Variants in CD226 observed in about 807,000 individuals in gnomAD.
CD226 encodes the protein CD226 molecule.
CD226 carries 24 observed loss-of-function variants against 34.9 expected under a neutral mutation model. That is an observed-to-expected ratio of 0.69 (90% CI 0.50 to 0.97). The LOEUF is 0.97. CD226 is among the 50% of genes least tolerant of loss of function. The pLI is 0.00. For missense variants in CD226, 397 were observed against 412.7 expected (o/e 0.96, Z 0.33); for synonymous variants, 148 against 147.4 (o/e 1.00, Z -0.03).
intron 4 of CD226, among the ~76,000 whole-genome samples, chr18:69,868,820 C>CACACAG (rs1192063262): frequency 6.6e-6 from 1 of 151,976 alleles, no homozygotes; most frequent in Non-Finnish European, 1.5e-5. Context: ...CACACACACA[C>CACACAG]ACACAGACAC....
At chr18:69,932,720 G>A (rs574338755) in intron 2 of CD226, among the ~76,000 whole-genome samples, 5 of 152,232 alleles carry the variant, frequency 3.3e-5, no homozygotes, top group Non-Finnish European at 4.4e-5. Flanking sequence ...GTAAGCTCTC[G>A]TGTCTTCTGA....
chr18:69,919,061 T>C (rs989861568), intron 2 of CD226, among the ~76,000 whole-genome samples: 7 of 152,176 alleles, frequency 4.6e-5, no homozygotes, highest in African/African-American at 1.7e-4. Flanking sequence ...CCAGAGGACC[T>C]GGCAGCCAAA....
upstream of CD226, among the ~76,000 whole-genome samples, chr18:69,957,437 T>G (rs1489657866): frequency 6.6e-6 from 1 of 152,150 alleles, no homozygotes; most frequent in African/African-American, 2.4e-5. Flanking sequence ...GTTTAGCAGC[T>G]TTTGTCTCTT....
At chr18:69,872,719 A>G (rs1206854580) in intron 4 of CD226, among the ~76,000 whole-genome samples, 1 of 152,214 alleles carries the variant, frequency 6.6e-6, no homozygotes, top group Non-Finnish European at 1.5e-5. Context: ...TGTGAGCTTC[A>G]TTATGTCTTG....
intron 2 of CD226, among the ~76,000 whole-genome samples, chr18:69,925,714 T>C (rs1646573908): frequency 6.6e-6 from 1 of 152,140 alleles, no homozygotes; most frequent in Admixed American, 6.5e-5. Context: ...CCAGCCTCCT[T>C]CACTCCAGTC....
At chr18:69,934,462 T>A (rs1350400463) in intron 2 of CD226, among the ~76,000 whole-genome samples, 1 of 152,220 alleles carries the variant, frequency 6.6e-6, no homozygotes, top group South Asian at 2.1e-4. Flanking sequence ...TTCTGCTCAT[T>A]AAATGGTGCA....
chr18:69,928,304 T>C (rs952167024), intron 2 of CD226, among the ~76,000 whole-genome samples: 2 of 152,182 alleles, frequency 1.3e-5, no homozygotes, highest in African/African-American at 2.4e-5. Context: ...CCCAACTCTT[T>C]TGCTGTTTTA....
rs151044088 is a variant in CD226, at chr18:69,947,061, C to T, written c.55G>A (p.Glu19Lys). 129 of 1,612,456 alleles carry T rather than the reference C, an allele frequency of 8.0e-5. No individual in the cohort carries two copies. In the African/African-American group the frequency reaches 1.6e-3, roughly 20 times the overall value. Residue 19 changes from glutamate to lysine, a missense_variant, in exon 2 of 6, where the codon GAA becomes AAA. By Grantham distance (56) the Glu-to-Lys change is moderately conservative. Coordinates refer to ENST00000582621, the MANE Select transcript of CD226 (RefSeq NM_001303618.2). ...ACTGATGTATGCCAAAGCACCTCTT[C>T]ACATAGAGCTGAAATATACAACATC... Reference protein sequence around the residue: ...ALLHVYRALCEEVLWHTSVPF... With the variant: ...ALLHVYRALCKEVLWHTSVPF...
At chr18:69,939,261 G>A (rs935362324) in intron 2 of CD226, among the ~76,000 whole-genome samples, 3 of 152,080 alleles carry the variant, frequency 2.0e-5, no homozygotes, top group Non-Finnish European at 4.4e-5. Context: ...TCTGAACTTT[G>A]CTTTTCTTTA....
At chr18:69,936,367 G>A (rs148045740) in intron 2 of CD226, among the ~76,000 whole-genome samples, 4 of 152,296 alleles carry the variant, frequency 2.6e-5, no homozygotes, top group East Asian at 3.9e-4. Flanking sequence ...CTTGGCACAC[G>A]TTCTGGTAAC....
intron 3 of CD226, among the ~76,000 whole-genome samples, chr18:69,882,087 A>G (rs1484011848): frequency 6.6e-6 from 1 of 152,194 alleles, no homozygotes; most frequent in East Asian, 1.9e-4. Context: ...CTCAAAATAA[A>G]AGTATTATCA....
chr18:69,873,510 G>A (rs532844216), intron 3 of CD226, among the ~76,000 whole-genome samples: 6 of 151,698 alleles, frequency 4.0e-5, no homozygotes, highest in African/African-American at 1.4e-4. Flanking sequence ...AAGAGCATGC[G>A]TTTGCCAAAG....
intron 2 of CD226, among the ~76,000 whole-genome samples, chr18:69,940,190 T>C (rs1393954163): frequency 1.3e-5 from 2 of 152,212 alleles, no homozygotes; most frequent in Non-Finnish European, 2.9e-5. Context: ...TCCACCATGA[T>C]TGTAAGTTTC....
At chr18:69,957,632 T>C (rs554592641), upstream of CD226, among the ~76,000 whole-genome samples, 1 of 152,272 alleles carries the variant, frequency 6.6e-6, no homozygotes, top group East Asian at 1.9e-4. Context: ...GAGAAGGCAC[T>C]CATGGGGCTG....
chr18:69,882,498 A>G (rs1044544395), intron 3 of CD226, among the ~76,000 whole-genome samples: 3 of 152,240 alleles, frequency 2.0e-5, no homozygotes, highest in Non-Finnish European at 4.4e-5. Context: ...ACATGAGGAC[A>G]AAGAGATGGG....
At chr18:69,885,819 A>G (rs951733889) in intron 3 of CD226, among the ~76,000 whole-genome samples, 6 of 152,156 alleles carry the variant, frequency 3.9e-5, no homozygotes, top group Admixed American at 3.3e-4. Context: ...GATGTGCACA[A>G]GCCCCTAGAA....
chr18:69,892,859 T>C (rs1343993631), intron 3 of CD226, among the ~76,000 whole-genome samples: 8 of 152,218 alleles, frequency 5.3e-5, no homozygotes, highest in Non-Finnish European at 7.3e-5. Flanking sequence ...AAAGAAGTCA[T>C]TGAGAACTAA....
At chr18:69,919,860 T>C (rs184473066) in intron 2 of CD226, among the ~76,000 whole-genome samples, 1 of 152,126 alleles carries the variant, frequency 6.6e-6, no homozygotes, top group East Asian at 1.9e-4. Flanking sequence ...TACTTTCATC[T>C]ACTTTTGTTG....
At chr18:69,867,528 G>T in intron 4 of CD226, 117 bp from the exon 5 acceptor site, 1 of 649,818 alleles carries the variant, frequency 1.5e-6, no homozygotes, top group Non-Finnish European at 2.7e-6. Flanking sequence ...ATATGTTGAA[G>T]TAGCTTTATG....
Sources: allele counts gnomAD v4.1 joint callset (sites outside exome capture counted in the v4.1 genomes callset), GRCh38; gene constraint gnomAD v4.1.1; transcripts MANE v1.5; gene names NCBI Gene and HGNC (gene_info 2026-07-23, HGNC 2026-07-21).